Variants in SHC3 observed in about 807,000 individuals in gnomAD.
The protein encoded by SHC3 is SHC adaptor protein 3, also known as SHC-transforming protein 3.
A neutral mutation model predicts 60.4 loss-of-function variants in SHC3; 15 were observed. The observed-to-expected ratio is 0.25, with a 90% CI of 0.17 to 0.38. The LOEUF (loss-of-function observed/expected upper bound fraction) is 0.38, where lower values mean the gene tolerates loss of function less well. SHC3 is among the 10% of genes least tolerant of loss of function. The pLI is 1.00. For synonymous variants in SHC3, 294 were observed against 325.9 expected, an observed-to-expected ratio of 0.90 and a Z score of 1.05; for missense variants, 677 against 786.1, an observed-to-expected ratio of 0.86 and a Z score of 1.66.
At chr9:89,101,619 A>ATT (rs770939456) in intron 2 of SHC3, among the ~76,000 whole-genome samples, 1,938 of 150,362 alleles carry the variant, frequency 0.013, 18 homozygotes, top group South Asian at 0.033. Flanking sequence ...ATATATATAT[A>ATT]TTTTTTTTAA....
chr9:89,095,258 T>C (rs1320495660), intron 2 of SHC3, among the ~76,000 whole-genome samples: 2 of 152,198 alleles, frequency 1.3e-5, no homozygotes, highest in African/African-American at 4.8e-5. Flanking sequence ...ATGTGGTCCA[T>C]GCAGACAATG....
rs1825919570 is a variant in SHC3 at position 89,109,777 on chromosome 9, C to T, written c.545+2779G>A. 5 of 985,392 alleles carry T rather than the reference C, an allele frequency of 5.1e-6. No individual in the cohort carries two copies. The African/African-American group carries it at 7.0e-5, about 14-fold the overall frequency. The allele number at this position is 985,392 out of a possible 1,614,324, so 61.0% of individuals were successfully genotyped here. On this transcript the variant is annotated intron_variant, in intron 2 of 11. Transcript: ENST00000375835. Reference sequence around the variant, plus strand: ...TCTTCATCTCACCAGGGCTTGTTTGCTCTTTTGTTCAGACTCAAAGCCATG... The same window carrying T: ...TCTTCATCTCACCAGGGCTTGTTTGTTCTTTTGTTCAGACTCAAAGCCATG...
At chr9:89,028,265 A>G (rs1826353677) in intron 11 of SHC3, among the ~76,000 whole-genome samples, 1 of 152,130 alleles carries the variant, frequency 6.6e-6, no homozygotes, top group Admixed American at 6.6e-5. Context: ...GACTAGAGGG[A>G]AAGAGAGCTA....
chr9:89,014,043 C>T (rs941745768), intron 11 of SHC3, among the ~76,000 whole-genome samples: 2 of 152,178 alleles, frequency 1.3e-5, no homozygotes, highest in African/African-American at 4.8e-5. Context: ...TACCTCAATG[C>T]CAGCACCTCC....
chr9:89,175,976 T>C (rs866308875), intron 1 of SHC3, among the ~76,000 whole-genome samples: 1 of 152,224 alleles, frequency 6.6e-6, no homozygotes, highest in Non-Finnish European at 1.5e-5. Flanking sequence ...GCATCTGGTT[T>C]TCTTTCTGCG....
intron 1 of SHC3, among the ~76,000 whole-genome samples, chr9:89,120,881 A>T (rs1314447020): frequency 2.0e-5 from 3 of 151,730 alleles, no homozygotes; most frequent in African/African-American, 7.2e-5. Context: ...CATAAAATTT[A>T]TTTAAAACTA....
intron 2 of SHC3, among the ~76,000 whole-genome samples, chr9:89,108,787 A>G (rs117640098): frequency 0.023 from 3,509 of 152,300 alleles, 62 homozygotes; most frequent in Admixed American, 0.041. Flanking sequence ...GTTTGCAAAA[A>G]TGAGAAAGTC....
rs563973780 is a variant in SHC3 at position 89,099,586 on chromosome 9, A to G, written c.545+12970T>C. Among the ~76,000 whole-genome samples, 3 of 152,340 alleles carry G rather than the reference A, an allele frequency of 2.0e-5. No individual in the cohort carries two copies. The South Asian group carries it at 6.2e-4, about 32-fold the overall frequency. On this transcript the variant is annotated intron_variant, in intron 2 of 11. Coordinates refer to ENST00000375835, the MANE Select transcript of SHC3 (RefSeq NM_016848.6). ...AGGGATTGGGGAAAGGACTTTGGCC[A>G]ACAGTGAGGACTGTCATTCCCTGAA...
At chr9:89,135,169 A>G (rs887285780) in intron 1 of SHC3, among the ~76,000 whole-genome samples, 2 of 152,160 alleles carry the variant, frequency 1.3e-5, no homozygotes, top group African/African-American at 4.8e-5. Context: ...GCTTTGACTC[A>G]AACGGTGTGC....
At chr9:89,059,630 G>GA (rs1825035790) in intron 6 of SHC3, among the ~76,000 whole-genome samples, 1 of 129,542 alleles carries the variant, frequency 7.7e-6, no homozygotes, top group African/African-American at 3.0e-5. Context: ...GGTGGAGGAC[G>GA]TGGTGGAGGA....
Position 89,178,292 on chromosome 9 carries a change from G to C in SHC3, c.169C>G (p.Pro57Ala). The change falls in exon 1 of 12, where the codon CCC becomes GCC. Residue 57 changes from proline to alanine, a missense_variant. Pro to Ala is a conservative substitution (Grantham distance 27). Transcript: ENST00000375835. The surrounding 1 kb of genome is among the most constrained non-coding windows in gnomAD (Gnocchi z 6.9). Reference protein sequence around the residue: ...LVSGEALRKAPDDGPGSLGHL... With the variant: ...LVSGEALRKAADDGPGSLGHL... ...CCCAGGCTGCCGGGCCCATCGTCGG[G>C]CGCCTTGCGCAGCGCCTCGCCGGAC... The C allele has an allele frequency of 6.4e-7, 1 of 1,567,674 alleles. No homozygotes were observed. The highest frequency in any genetic ancestry group is 8.6e-7 in the Non-Finnish European group (1 of 1,159,530).
intron 11 of SHC3, among the ~76,000 whole-genome samples, chr9:89,032,103 G>T (rs933624148): frequency 6.6e-6 from 1 of 152,178 alleles, no homozygotes; most frequent in African/African-American, 2.4e-5. Flanking sequence ...CAACACACAC[G>T]TGACTTGGCA....
chr9:89,041,271 C>T (rs940410103), intron 10 of SHC3, among the ~76,000 whole-genome samples: 1 of 152,206 alleles, frequency 6.6e-6, no homozygotes, highest in African/African-American at 2.4e-5. Flanking sequence ...ATATGACAAA[C>T]AGAAAGTCTG....
chr9:89,051,927 C>T, intron 7 of SHC3, 110 bp downstream of exon 7: 22 of 1,480,522 alleles, frequency 1.5e-5, no homozygotes, highest in Non-Finnish European at 2.0e-5. Flanking sequence ...GCCCAGGAAG[C>T]CCTGTGATTA....
rs1419511034 is a variant in SHC3, at chr9:89,038,089, C to T, written c.1560G>A (p.Leu520=). ...EGLLEKDGDF[L]VRKSTTNPGS... is the part of the protein sequence containing the mutation. ...CCGGGTTGGTGGTGCTCTTCCTGAC[C>T]AGGAAGTCTCCGTCTTTCTCCAGCA... is the stretch of plus-strand genomic sequence containing the variant. Residue 520 remains leucine, a synonymous_variant, in exon 11 of 12, where the codon CTG becomes CTA. Coordinates refer to ENST00000375835, the MANE Select transcript of SHC3 (RefSeq NM_016848.6). 3 of 1,614,116 alleles carry T rather than the reference C, an allele frequency of 1.9e-6. No homozygotes were observed. The highest frequency in any genetic ancestry group is 3.3e-5 in the Admixed American group (2 of 60,016).
At chr9:89,148,864 T>C (rs1826506905) in intron 1 of SHC3, among the ~76,000 whole-genome samples, 1 of 152,242 alleles carries the variant, frequency 6.6e-6, no homozygotes, top group African/African-American at 2.4e-5. Context: ...ATACGTCACT[T>C]TCCCTGGGCT....
At chr9:89,154,138 G>A (rs1826587706) in intron 1 of SHC3, among the ~76,000 whole-genome samples, 1 of 152,106 alleles carries the variant, frequency 6.6e-6, no homozygotes, top group South Asian at 2.1e-4. Context: ...CCCCTGGGAG[G>A]TTACTAACTG....
rs1825337376 is a variant in SHC3 at position 89,075,184 on chromosome 9, G to A, written c.654C>T (p.Leu218=). 1.2e-6 allele frequency: 2 copies of A among 1,613,834 alleles called. No individual in the cohort carries two copies. The highest frequency in any genetic ancestry group is 1.3e-5 in the African/African-American group (1 of 74,886). Residue 218 remains leucine, a synonymous_variant, in exon 4 of 12, where the codon CTC becomes CTT. Coordinates refer to ENST00000375835, the MANE Select transcript of SHC3 (RefSeq NM_016848.6). The stretch of plus-strand genomic sequence containing the variant: ...GAGAGATGCTCATTCCCGCAAACTG[G>A]AGGTTGCTCTTTCCCAAGATGCTGG... The part of the protein sequence containing the change: ...MLSSILGKSN[L]QFAGMSISLT...
chr9:89,121,262 T>C (rs553887618), intron 1 of SHC3, among the ~76,000 whole-genome samples: 2 of 151,982 alleles, frequency 1.3e-5, no homozygotes, highest in Admixed American at 6.5e-5. Flanking sequence ...CTTTCACCAA[T>C]GCAAATGTAC....
Sources: allele counts gnomAD v4.1 joint callset (sites outside exome capture counted in the v4.1 genomes callset), GRCh38; gene constraint gnomAD v4.1.1; non-coding constraint Gnocchi (gnomAD v3.1); transcripts MANE v1.5; gene names NCBI Gene and HGNC (gene_info 2026-07-23, HGNC 2026-07-21).